DLGAP4: variants seen among roughly 807,000 people sequenced by gnomAD.
DLGAP4 encodes the protein DLG associated protein 4, also known as disks large-associated protein 4.
In DLGAP4, 18 loss-of-function variants were observed where a neutral mutation model predicts 86.9. That is an observed-to-expected ratio of 0.21 (90% confidence interval 0.14 to 0.31). DLGAP4 has a LOEUF of 0.31. DLGAP4 is among the 10% of genes least tolerant of loss of function. The pLI is 1.00. For synonymous variants in DLGAP4, 548 were observed against 574.3 expected (o/e 0.95, Z 0.65); for missense variants, 1,085 against 1,362.6 (o/e 0.80, Z 3.21).
At position 36,393,344 on chromosome 20, in the gene DLGAP4, C is replaced by T. The variant is rs1445130696; in HGVS notation, c.-73+26069C>T. ...GAGAACCCCAAGCTCTACACTCCCT[C>T]GCTGTGTGGCCTAGGGTCTCCTCTT... On this transcript the variant is annotated intron_variant, in intron 2 of 12. Transcript: ENST00000339266. The surrounding 1 kb of genome is among the most constrained non-coding windows in gnomAD (Gnocchi z 4.4). 1.3e-5 allele frequency among the ~76,000 whole-genome samples: 2 copies of T among 152,092 alleles called. No homozygotes were observed. The highest frequency in any genetic ancestry group is 1.9e-4 in the East Asian group (1 of 5,196).
At chr20:36,421,308 A>G (rs2032818323) in intron 2 of DLGAP4, among the ~76,000 whole-genome samples, 1 of 151,722 alleles carries the variant, frequency 6.6e-6, no homozygotes, top group South Asian at 2.1e-4. Context: ...ATACAAAAAA[A>G]TTGGCTGGGC....
chr20:36,435,509 G>C (rs538599428), intron 3 of DLGAP4, among the ~76,000 whole-genome samples: 4 of 152,230 alleles, frequency 2.6e-5, no homozygotes, highest in Non-Finnish European at 5.9e-5. Context: ...CTGAAGTTCA[G>C]ATGGGAAAAC....
intron 2 of DLGAP4, among the ~76,000 whole-genome samples, chr20:36,417,391 G>GT (rs869031301): frequency 1.1e-4 from 13 of 116,122 alleles, no homozygotes; most frequent in South Asian, 2.9e-4. Context: ...TTTTGTTTTT[G>GT]TTTTTTCTGA....
chr20:36,362,913 A>ATAAC (rs1342537221), intron 1 of DLGAP4, among the ~76,000 whole-genome samples: 1 of 152,208 alleles, frequency 6.6e-6, no homozygotes. Context: ...AGAAGGCTCT[A>ATAAC]TAACTACCCC....
intron 2 of DLGAP4, among the ~76,000 whole-genome samples, chr20:36,422,043 G>A (rs2032843771): frequency 6.6e-6 from 1 of 152,118 alleles, no homozygotes; most frequent in Admixed American, 6.5e-5. Flanking sequence ...TATGAGAGAT[G>A]TGGGTTGAGC....
intron 2 of DLGAP4, among the ~76,000 whole-genome samples, chr20:36,420,280 T>G (rs1376696119): frequency 6.6e-6 from 1 of 152,202 alleles, no homozygotes; most frequent in African/African-American, 2.4e-5. Context: ...TCCAGGCTGC[T>G]TCGGGCATAC....
At chr20:36,479,172 C>T (rs1475980037) in intron 7 of DLGAP4, among the ~76,000 whole-genome samples, 1 of 152,142 alleles carries the variant, frequency 6.6e-6, no homozygotes, top group African/African-American at 2.4e-5. Context: ...GGGGCGGGCT[C>T]TGTGGGCATG....
At chr20:36,511,900 C>CT (rs113693176) in intron 10 of DLGAP4, among the ~76,000 whole-genome samples, 2,690 of 150,792 alleles carry the variant, frequency 0.018, 79 homozygotes, top group African/African-American at 0.062. Flanking sequence ...AATGCATAGT[C>CT]TAATTAGTCA....
chr20:36,493,856 T>C (rs1230578916), intron 7 of DLGAP4, among the ~76,000 whole-genome samples: 1 of 152,244 alleles, frequency 6.6e-6, no homozygotes, highest in Admixed American at 6.5e-5. Context: ...AGGCTTACGT[T>C]AGAAAGCCGC....
chr20:36,421,260 A>G (rs904073442), intron 2 of DLGAP4, among the ~76,000 whole-genome samples: 3 of 152,172 alleles, frequency 2.0e-5, no homozygotes, highest in Non-Finnish European at 4.4e-5. Flanking sequence ...GTTGGAGATC[A>G]GCCTGGCCAA....
chr20:36,439,835 C>T lies in DLGAP4; in HGVS notation c.1323C>T (p.Ser441=), dbSNP rs527846901. 13 of 1,613,672 alleles carry T rather than the reference C, an allele frequency of 8.1e-6. No homozygotes were observed. Among genetic ancestry groups the T allele is most frequent in the South Asian group, 6.6e-5 (6 of 91,066 alleles). Residue 441 remains serine (S), a synonymous_variant, in exon 5 of 13, where the codon AGC becomes AGT. Transcript: ENST00000339266. ...GGGAAGAGGACTACACCCCCGTCAG[C>T]GACAGCCTCAACGACTCCAGCTGCA... The part of the protein sequence containing the change: ...PSWEEDYTPV[S]DSLNDSSCIS...
At chr20:36,518,942 C>A (rs888150052) in intron 10 of DLGAP4, among the ~76,000 whole-genome samples, 3 of 151,988 alleles carry the variant, frequency 2.0e-5, no homozygotes, top group Admixed American at 6.6e-5. Context: ...ATCGTGAAAC[C>A]CCCATCTCTA....
At chr20:36,513,985 C>G (rs116684803) in intron 10 of DLGAP4, among the ~76,000 whole-genome samples, 22 of 152,218 alleles carry the variant, frequency 1.4e-4, no homozygotes, top group Non-Finnish European at 2.8e-4. Flanking sequence ...AAGATTCTAT[C>G]TGGGAGTCAC....
At chr20:36,416,597 T>C (rs2032661307) in intron 2 of DLGAP4, among the ~76,000 whole-genome samples, 1 of 152,218 alleles carries the variant, frequency 6.6e-6, no homozygotes, top group South Asian at 2.1e-4. Context: ...GGTTAATCTG[T>C]GACTCCTCAG....
intron 2 of DLGAP4, among the ~76,000 whole-genome samples, chr20:36,398,082 T>C (rs1326251431): frequency 6.6e-6 from 1 of 152,206 alleles, no homozygotes; most frequent in Non-Finnish European, 1.5e-5. Flanking sequence ...GATTGTGCCA[T>C]TGCACTCCAG....
At chr20:36,459,538 C>T (rs905183819) in intron 7 of DLGAP4, among the ~76,000 whole-genome samples, 1 of 152,134 alleles carries the variant, frequency 6.6e-6, no homozygotes, top group Non-Finnish European at 1.5e-5. Flanking sequence ...GCCACCACAC[C>T]CAGCTAATTT....
intron 2 of DLGAP4, among the ~76,000 whole-genome samples, chr20:36,424,987 G>A (rs2032936192): frequency 6.6e-6 from 1 of 152,108 alleles, no homozygotes; most frequent in South Asian, 2.1e-4. Context: ...CCAGGCGTGA[G>A]CCACCATGCC....
chr20:36,406,099 G>T (rs967641750), intron 2 of DLGAP4, among the ~76,000 whole-genome samples: 1 of 152,108 alleles, frequency 6.6e-6, no homozygotes, highest in Non-Finnish European at 1.5e-5. Context: ...GGGTGGCAAT[G>T]AAAAATTCAC....
rs1377666454 is a variant in DLGAP4 at position 36,431,144 on chromosome 20, ACAGGG to A, written c.-72-501_-72-497del. Among the ~76,000 whole-genome samples the A allele has an allele frequency of 2.1e-4, 4 of 19,382 alleles. No homozygotes were observed. Among genetic ancestry groups the A allele is most frequent in the Non-Finnish European group, 6.5e-4 (2 of 3,088 alleles). The allele number at this position is 19,382 out of a possible 152,430, so 12.7% of individuals were successfully genotyped here. On this transcript the variant is annotated intron_variant, in intron 2 of 12. Transcript: ENST00000339266. The surrounding 1 kb of genome is among the most constrained non-coding windows in gnomAD (Gnocchi z 5.1). ...ACCCACGCCTGCCTCCAGGGCCAGC[ACAGGG>A]TCCTCCCGTGGGAGGTGGACCCTGC... is the stretch of plus-strand genomic sequence containing the variant.
Sources: allele counts gnomAD v4.1 joint callset (sites outside exome capture counted in the v4.1 genomes callset), GRCh38; gene constraint gnomAD v4.1.1; non-coding constraint Gnocchi (gnomAD v3.1); transcripts MANE v1.5; gene names NCBI Gene and HGNC (gene_info 2026-07-23, HGNC 2026-07-21).